The following LRMDA variants were observed in gnomAD, a reference collection of about 807,000 sequenced individuals.
LRMDA encodes the protein leucine-rich melanocyte differentiation-associated protein.
In LRMDA, 18 loss-of-function variants were observed where a neutral mutation model predicts 29.8. That is an observed-to-expected ratio of 0.60 (90% CI 0.42 to 0.90). The LOEUF is 0.90. LRMDA is among the 40% of genes least tolerant of loss of function. The probability of loss-of-function intolerance (pLI) is 0.00; values close to 1 mark genes in which losing one functional copy is unlikely to be tolerated. For missense variants in LRMDA, 273 were observed against 273.9 expected, an observed-to-expected ratio of 1.00 and a Z score of 0.02; for synonymous variants, 125 against 109.4, an observed-to-expected ratio of 1.14 and a Z score of -0.89.
At chr10:76,465,242 G>C (rs888196314) in intron 6 of LRMDA, among the ~76,000 whole-genome samples, 5 of 152,132 alleles carry the variant, frequency 3.3e-5, no homozygotes, top group African/African-American at 1.2e-4. Context: ...AATATTTGTG[G>C]CCATGGGCAT....
chr10:75,664,507 C>T (rs563479324), intron 2 of LRMDA, among the ~76,000 whole-genome samples: 43 of 152,258 alleles, frequency 2.8e-4, no homozygotes, highest in African/African-American at 1.0e-3. Flanking sequence ...CCATATTATA[C>T]TGTGTTCTAT....
In LRMDA at chr10:75,668,379, G is replaced by A. The variant is rs1361041772; in HGVS notation, c.131+229885G>A. 2.0e-5 allele frequency among the ~76,000 whole-genome samples: 3 copies of A among 152,176 alleles called. No individual in the cohort carries two copies. In the East Asian group the frequency reaches 5.8e-4, roughly 29 times the overall value. ...TGCTCAGGCCTGCCTCCATGAAGGT[G>A]TATCTTAATTGATGCTCAAGGCCTG... On this transcript the variant is annotated intron_variant, in intron 2 of 6. Transcript: ENST00000611255.
chr10:76,553,469 G>T (rs769645792), intron 6 of LRMDA, among the ~76,000 whole-genome samples: 13 of 152,146 alleles, frequency 8.5e-5, no homozygotes, highest in African/African-American at 1.2e-4. Context: ...TGTTCCCTCC[G>T]TAATTTTCAC....
chr10:76,357,588 C>A (rs1841258014), intron 6 of LRMDA, among the ~76,000 whole-genome samples: 1 of 152,148 alleles, frequency 6.6e-6, no homozygotes, highest in Admixed American at 6.6e-5. Flanking sequence ...ATTGTTTGTT[C>A]TCTTGGGTAG....
At chr10:75,854,357 A>G (rs1277827602) in intron 2 of LRMDA, among the ~76,000 whole-genome samples, 6 of 152,062 alleles carry the variant, frequency 3.9e-5, no homozygotes, top group African/African-American at 1.2e-4. Flanking sequence ...TCCCTGGGAT[A>G]GTCTCAATTT....
intron 5 of LRMDA, among the ~76,000 whole-genome samples, chr10:76,182,984 A>G (rs1339374699): frequency 6.6e-6 from 1 of 152,186 alleles, no homozygotes; most frequent in Non-Finnish European, 1.5e-5. Context: ...CCAGTCAGAC[A>G]TCAGAACCCA....
intron 2 of LRMDA, among the ~76,000 whole-genome samples, chr10:75,483,069 T>C (rs7101066): frequency 0.83 from 125,865 of 151,966 alleles, 52,416 homozygotes; most frequent in Admixed American, 0.87. Flanking sequence ...CTCAGCCTCC[T>C]GAGTAGCTGG....
At chr10:75,766,497 A>G (rs1843170143) in intron 2 of LRMDA, among the ~76,000 whole-genome samples, 1 of 152,196 alleles carries the variant, frequency 6.6e-6, no homozygotes, top group Non-Finnish European at 1.5e-5. Context: ...GAGGTGGGCA[A>G]TGAGAGGGAT....
At chr10:76,281,437 A>G (rs573539232) in intron 5 of LRMDA, among the ~76,000 whole-genome samples, 2 of 152,168 alleles carry the variant, frequency 1.3e-5, no homozygotes, top group Non-Finnish European at 2.9e-5. Context: ...TCTGGGGTAC[A>G]TAACGGCCCT....
chr10:75,973,585 A>AT (rs1486528308), intron 2 of LRMDA, among the ~76,000 whole-genome samples: 2 of 151,802 alleles, frequency 1.3e-5, no homozygotes, highest in Non-Finnish European at 2.9e-5. Flanking sequence ...CGCCTGGCTA[A>AT]TTTTTTGTAT....
At chr10:75,642,721 C>T (rs1469674597) in intron 2 of LRMDA, 1 of 152,100 alleles carries the variant, frequency 6.6e-6, no homozygotes, top group African/African-American at 2.4e-5. Flanking sequence ...ATAGGTACAC[C>T]TTGCTTTATG....
At chr10:76,517,242 C>A (rs750160068) in intron 6 of LRMDA, among the ~76,000 whole-genome samples, 1 of 152,052 alleles carries the variant, frequency 6.6e-6, no homozygotes, top group African/African-American at 2.4e-5. Flanking sequence ...AAAATATATA[C>A]GATACATATG....
chr10:76,428,304 C>A (rs918725883), intron 6 of LRMDA, among the ~76,000 whole-genome samples: 1 of 152,116 alleles, frequency 6.6e-6, no homozygotes, highest in Non-Finnish European at 1.5e-5. Context: ...GGTTCCTTTA[C>A]TTGTTTTTGA....
intron 2 of LRMDA, among the ~76,000 whole-genome samples, chr10:75,800,744 T>A (rs1048742855): frequency 3.9e-5 from 6 of 152,250 alleles, no homozygotes; most frequent in Non-Finnish European, 4.4e-5. Context: ...AAAATCTGTT[T>A]CTGTTGCCTG....
chr10:75,936,225 T>C (rs1292250531), intron 2 of LRMDA, among the ~76,000 whole-genome samples: 1 of 152,050 alleles, frequency 6.6e-6, no homozygotes, highest in African/African-American at 2.4e-5. Flanking sequence ...AAAATGTGCA[T>C]ATGTGGATAG....
At chr10:75,944,776 T>G (rs974018530) in intron 2 of LRMDA, among the ~76,000 whole-genome samples, 7 of 149,120 alleles carry the variant, frequency 4.7e-5, no homozygotes, top group African/African-American at 1.5e-4. Context: ...ATATGTATAT[T>G]TTATTATAAA....
intron 6 of LRMDA, among the ~76,000 whole-genome samples, chr10:76,367,390 TTTG>T (rs574076319): frequency 2.0e-5 from 3 of 151,210 alleles, no homozygotes; most frequent in East Asian, 1.9e-4. Context: ...TCCTGGACTT[TTTG>T]TTGTTGTTGT....
chr10:75,776,627 A>G (rs1032959084), intron 2 of LRMDA, among the ~76,000 whole-genome samples: 4 of 152,338 alleles, frequency 2.6e-5, no homozygotes, highest in East Asian at 1.9e-4. Flanking sequence ...AAGTAAATCA[A>G]TTGGACACTA....
At chr10:75,641,473 T>C (rs897355048) in intron 2 of LRMDA, among the ~76,000 whole-genome samples, 18 of 151,858 alleles carry the variant, frequency 1.2e-4, no homozygotes, top group African/African-American at 4.3e-4. Flanking sequence ...ATAAAGATAG[T>C]TCATTAAATA....
Sources: allele counts gnomAD v4.1 joint callset (sites outside exome capture counted in the v4.1 genomes callset), GRCh38; gene constraint gnomAD v4.1.1; transcripts MANE v1.5; gene names NCBI Gene and HGNC (gene_info 2026-07-23, HGNC 2026-07-21).